SEM1: variants seen among roughly 807,000 people sequenced by gnomAD.
SEM1 encodes the protein SEM1 26S proteasome subunit, also known as 26S proteasome complex subunit SEM1.
A neutral mutation model predicts 12.7 loss-of-function variants in SEM1; 3 were observed. The ratio of observed to expected loss-of-function variants is 0.24; its 90% confidence interval spans 0.11 to 0.61. The LOEUF (loss-of-function observed/expected upper bound fraction) is 0.61. SEM1 is among the 20% of genes least tolerant of loss of function. The pLI is 0.88. For synonymous variants in SEM1, 30 were observed against 27.8 expected, an observed-to-expected ratio of 1.08 and a Z score of -0.25; for missense variants, 59 against 81.3, an observed-to-expected ratio of 0.73 and a Z score of 1.06.
chr7:96,584,401 T>G (rs1261362925), intron 2 of SEM1, among the ~76,000 whole-genome samples: 1 of 152,100 alleles, frequency 6.6e-6, no homozygotes, highest in Non-Finnish European at 1.5e-5. Context: ...GCCCTTAACA[T>G]TTTTTCCTTC....
At chr7:96,677,428 G>C (rs146184656) in intron 2 of SEM1, among the ~76,000 whole-genome samples, 32 of 152,284 alleles carry the variant, frequency 2.1e-4, no homozygotes, top group African/African-American at 6.5e-4. Context: ...AGCAGTTTGT[G>C]TTGTCACATA....
intron 2 of SEM1, among the ~76,000 whole-genome samples, chr7:96,600,735 G>C (rs1807173827): frequency 6.6e-6 from 1 of 152,164 alleles, no homozygotes; most frequent in Non-Finnish European, 1.5e-5. Flanking sequence ...CTCAGTTCTA[G>C]CCTCAACAAC....
intron 2 of SEM1, among the ~76,000 whole-genome samples, chr7:96,585,642 G>A (rs527712954): frequency 3.3e-5 from 5 of 152,364 alleles, no homozygotes; most frequent in Admixed American, 6.5e-5. Context: ...AGGACCCTCC[G>A]AGCCAGGTGC....
intron 2 of SEM1, among the ~76,000 whole-genome samples, chr7:96,586,220 C>T (rs772960162): frequency 4.6e-5 from 7 of 152,146 alleles, no homozygotes; most frequent in Non-Finnish European, 8.8e-5. Context: ...GCTTTCTGGT[C>T]TCCATTACAA....
chr7:96,493,359 T>G (rs1237345515), intron 1 of SEM1, among the ~76,000 whole-genome samples: 1 of 152,120 alleles, frequency 6.6e-6, no homozygotes, highest in Non-Finnish European at 1.5e-5. Flanking sequence ...GTTACCAACT[T>G]TCTCATTTCT....
chr7:96,505,391 A>G (rs1005060712), intron 3 of SEM1, among the ~76,000 whole-genome samples: 5 of 152,256 alleles, frequency 3.3e-5, no homozygotes, highest in African/African-American at 1.2e-4. Flanking sequence ...GGTGTGAGCC[A>G]CTGTGCCTGG....
intron 1 of SEM1, among the ~76,000 whole-genome samples, chr7:96,709,343 G>C (rs917042382): frequency 6.6e-6 from 1 of 152,208 alleles, no homozygotes; most frequent in African/African-American, 2.4e-5. Flanking sequence ...AAAACAAAAA[G>C]AAAAGGAGGT....
intron 2 of SEM1, among the ~76,000 whole-genome samples, chr7:96,612,617 T>C (rs1807573097): frequency 6.6e-6 from 1 of 152,120 alleles, no homozygotes; most frequent in Admixed American, 6.5e-5. Flanking sequence ...TTGTTTTTGT[T>C]GTTGTTGCTT....
chr7:96,689,568 T>C (rs1789864019), intron 2 of SEM1, among the ~76,000 whole-genome samples: 1 of 152,238 alleles, frequency 6.6e-6, no homozygotes. Flanking sequence ...CTTTACATCA[T>C]TACATCCAAT....
At chr7:96,636,446 C>A (rs1808428881) in intron 2 of SEM1, among the ~76,000 whole-genome samples, 1 of 151,920 alleles carries the variant, frequency 6.6e-6, no homozygotes, top group Non-Finnish European at 1.5e-5. Flanking sequence ...ACATGGTGAG[C>A]AACCCATGGT....
intron 2 of SEM1, among the ~76,000 whole-genome samples, chr7:96,560,000 A>C (rs1218774923): frequency 6.6e-6 from 1 of 152,218 alleles, no homozygotes; most frequent in East Asian, 1.9e-4. Flanking sequence ...AAAAACTTTT[A>C]GATGTAAAAC....
At chr7:96,604,750 C>G (rs1224837568) in intron 2 of SEM1, among the ~76,000 whole-genome samples, 4 of 152,016 alleles carry the variant, frequency 2.6e-5, no homozygotes, top group African/African-American at 9.7e-5. Context: ...GAAACCCCGT[C>G]TGCACTAAAA....
chr7:96,571,380 A>G (rs1428079315), intron 2 of SEM1, among the ~76,000 whole-genome samples: 1 of 151,972 alleles, frequency 6.6e-6, no homozygotes, highest in Non-Finnish European at 1.5e-5. Flanking sequence ...TAATTTTTGT[A>G]TAATGTGTAT....
intron 2 of SEM1, among the ~76,000 whole-genome samples, chr7:96,540,794 T>C (rs1226287135): frequency 2.0e-5 from 3 of 151,740 alleles, no homozygotes; most frequent in Non-Finnish European, 4.4e-5. Context: ...ATTCCATGAG[T>C]ACCCAATGTT....
upstream of SEM1, among the ~76,000 whole-genome samples, chr7:96,500,313 A>G (rs1803477502): frequency 6.6e-6 from 1 of 152,048 alleles, no homozygotes; most frequent in South Asian, 2.1e-4. Flanking sequence ...CTCTGGGCCA[A>G]GTGGGTCCTC....
At chr7:96,665,867 T>C (rs1789157092) in intron 2 of SEM1, among the ~76,000 whole-genome samples, 1 of 152,214 alleles carries the variant, frequency 6.6e-6, no homozygotes, top group South Asian at 2.1e-4. Context: ...AGGTCCTCAC[T>C]GACTCTTCAC....
chr7:96,569,696 C>T (rs150150002), intron 2 of SEM1, among the ~76,000 whole-genome samples: 23 of 152,232 alleles, frequency 1.5e-4, no homozygotes, highest in African/African-American at 5.1e-4. Context: ...CCTTCACCTT[C>T]TGCATCTTTT....
At chr7:96,576,868 A>G (rs1432085869) in intron 2 of SEM1, among the ~76,000 whole-genome samples, 2 of 152,204 alleles carry the variant, frequency 1.3e-5, no homozygotes, top group Admixed American at 1.3e-4. Flanking sequence ...CTGTAGTCCC[A>G]GCACTTTCGG....
chr7:96,533,191 T>A (rs1174492163), intron 2 of SEM1, among the ~76,000 whole-genome samples: 1 of 152,046 alleles, frequency 6.6e-6, no homozygotes, highest in East Asian at 1.9e-4. Context: ...GCTCTCCTCC[T>A]TTTTCATCAA....
Sources: gnomAD v4.1 joint callset for allele counts (sites outside exome capture counted in the v4.1 genomes callset) on GRCh38, gnomAD v4.1.1 for gene constraint, MANE v1.5 for transcripts, NCBI Gene and HGNC (gene_info 2026-07-23, HGNC 2026-07-21) for gene names.